The following KLF12 variants were observed in gnomAD, a reference collection of about 807,000 sequenced individuals.
KLF12 encodes KLF transcription factor 12, also known as Krueppel-like factor 12.
A neutral mutation model predicts 37.8 loss-of-function variants in KLF12; 9 were observed. The observed-to-expected ratio is 0.24, with a 90% CI of 0.14 to 0.42. The LOEUF (loss-of-function observed/expected upper bound fraction) is 0.42, where lower values mean the gene tolerates loss of function less well. Among genes scored for constraint, KLF12 ranks in the 10% least tolerant of loss-of-function variants. The probability of loss-of-function intolerance (pLI) is 1.00; values close to 1 mark genes in which losing one functional copy is unlikely to be tolerated. For missense variants in KLF12, 411 were observed against 516.0 expected (o/e 0.80, Z 1.97); for synonymous variants, 208 against 202.1 (o/e 1.03, Z -0.25).
the KLF12 span, among the ~76,000 whole-genome samples, chr13:74,279,972 G>A: frequency 6.6e-6 from 1 of 152,180 alleles, no homozygotes; most frequent in Non-Finnish European, 1.5e-5. Context: ...GACCAGAAGT[G>A]TTGAATAACT....
At chr13:73,799,602 A>G (rs1882178486) in intron 5 of KLF12, among the ~76,000 whole-genome samples, 2 of 152,134 alleles carry the variant, frequency 1.3e-5, no homozygotes, top group Non-Finnish European at 2.9e-5. Flanking sequence ...CTCATAAAAC[A>G]TTTAGTGAAA....
chr13:73,849,217 A>T (rs1885185548), intron 3 of KLF12, among the ~76,000 whole-genome samples: 2 of 152,032 alleles, frequency 1.3e-5, no homozygotes, highest in South Asian at 4.2e-4. Flanking sequence ...ACTTTTAGGA[A>T]ATGGAAAATC....
In KLF12 at chr13:73,687,466, T is replaced by C. The variant is rs943584782; in HGVS notation, c.*8024A>G. On this transcript the variant is annotated 3_prime_UTR_variant, in exon 8 of 8. Coordinates refer to ENST00000377669, the MANE Select transcript of KLF12 (RefSeq NM_007249.5). ...GTTCAACAATATCCATCCAATGTAA[T>C]AAAGTTTGAGGAACAAAATATACAC... The C allele has an allele frequency of 6.6e-5, 10 of 152,214 alleles. No homozygotes were observed. Among genetic ancestry groups the C allele is most frequent in the African/African-American group, 2.2e-4 (9 of 41,460 alleles). The allele number at this position is 152,214 out of a possible 1,614,324, so 9.4% of individuals were successfully genotyped here. A position where few individuals can be genotyped will look rare whatever the true frequency, so the allele number is the denominator to read the frequency against.
At chr13:73,944,103 T>C (rs778621517) in intron 2 of KLF12, 33 bp from the exon 3 acceptor site, 1 of 1,360,050 alleles carries the variant, frequency 7.4e-7, no homozygotes, top group Non-Finnish European at 1.0e-6. Flanking sequence ...AAGATTCAGC[T>C]CTAAAGCATT....
At chr13:74,058,631 C>T (rs990622486) in intron 1 of KLF12, among the ~76,000 whole-genome samples, 2 of 152,138 alleles carry the variant, frequency 1.3e-5, no homozygotes, top group East Asian at 3.9e-4. Flanking sequence ...GCTGGGATTA[C>T]AGGCTCATAA....
At chr13:74,037,874 A>G (rs1258211722) in intron 1 of KLF12, among the ~76,000 whole-genome samples, 1 of 152,204 alleles carries the variant, frequency 6.6e-6, no homozygotes, top group Non-Finnish European at 1.5e-5. Flanking sequence ...TTCATGCCAT[A>G]GTTAATGCAG....
chr13:73,951,569 G>A (rs1037543852), intron 2 of KLF12, among the ~76,000 whole-genome samples: 2 of 152,158 alleles, frequency 1.3e-5, no homozygotes, highest in African/African-American at 4.8e-5. Context: ...GTGGGTTTCA[G>A]GCTCCTGATA....
At chr13:74,004,102 C>A (rs1275339072) in intron 1 of KLF12, among the ~76,000 whole-genome samples, 2 of 151,856 alleles carry the variant, frequency 1.3e-5, no homozygotes, top group Non-Finnish European at 2.9e-5. Context: ...CAAAAAACAC[C>A]AGGTTTTTTA....
chr13:73,850,779 T>C (rs1474303530), intron 3 of KLF12, among the ~76,000 whole-genome samples: 3 of 152,232 alleles, frequency 2.0e-5, no homozygotes, highest in Non-Finnish European at 4.4e-5. Flanking sequence ...CATCGGTCAT[T>C]TAAATAAATT....
chr13:73,879,674 A>T (rs1250746074), intron 3 of KLF12, among the ~76,000 whole-genome samples: 1 of 152,208 alleles, frequency 6.6e-6, no homozygotes, highest in Non-Finnish European at 1.5e-5. Context: ...TGACTTAATT[A>T]CTCAAAGCAG....
At chr13:74,174,335 C>CTTTTTT in the KLF12 span, among the ~76,000 whole-genome samples, 2 of 133,160 alleles carry the variant, frequency 1.5e-5, no homozygotes, top group African/African-American at 5.6e-5. Flanking sequence ...TCTTTCTTTT[C>CTTTTTT]TTTTTTTTTT....
At chr13:74,118,477 T>C (rs775857227) in intron 1 of KLF12, among the ~76,000 whole-genome samples, 3 of 152,214 alleles carry the variant, frequency 2.0e-5, no homozygotes, top group Non-Finnish European at 4.4e-5. Context: ...ATTAGTTATG[T>C]TGTAAAGGAA....
chr13:73,797,465 G>A (rs1882041666), intron 5 of KLF12, among the ~76,000 whole-genome samples: 1 of 152,108 alleles, frequency 6.6e-6, no homozygotes, highest in Non-Finnish European at 1.5e-5. Flanking sequence ...ATGCAGTAAA[G>A]AGCAATCTTA....
chr13:73,869,455 A>G (rs1424692309), intron 3 of KLF12, among the ~76,000 whole-genome samples: 11 of 152,136 alleles, frequency 7.2e-5, no homozygotes, highest in Admixed American at 5.2e-4. Context: ...GAACTATTGC[A>G]TTTAATAATA....
intron 3 of KLF12, among the ~76,000 whole-genome samples, chr13:73,868,948 A>G (rs192334228): frequency 4.6e-5 from 7 of 152,314 alleles, no homozygotes; most frequent in African/African-American, 9.6e-5. Flanking sequence ...TTTTAAAGTC[A>G]TATTTTTTAA....
At chr13:73,932,634 T>G (rs1028500790) in intron 3 of KLF12, among the ~76,000 whole-genome samples, 22 of 152,126 alleles carry the variant, frequency 1.4e-4, no homozygotes, top group Non-Finnish European at 1.8e-4. Context: ...GAAATAGAAT[T>G]TTGCCCATGT....
rs60242793 is a variant in KLF12, at chr13:74,060,484, TTGTGTGTGTGTGTGTGTG to T, written c.-31-65449_-31-65432del. 1.2e-4 allele frequency among the ~76,000 whole-genome samples: 13 copies of T among 108,628 alleles called. 1 individual carries two copies. Among genetic ancestry groups the T allele is most frequent in the East Asian group, 2.4e-4 (1 of 4,166 alleles). 71.3% of individuals were successfully genotyped at this position (108,628 alleles called of 152,430 possible). The stretch of plus-strand genomic sequence containing the variant: ...CCGTGGTTAAATGTATACCTAGGTT[TTGTGTGTGTGTGTGTGTG>T]TGTGTGTGTGTGTGTGTGTGTGTGT... On this transcript the variant is annotated intron_variant, in intron 1 of 7. Coordinates refer to ENST00000377669, the MANE Select transcript of KLF12 (RefSeq NM_007249.5).
rs1261925562 is a variant in KLF12 at position 73,821,604 on chromosome 13, T to C, written c.671-8317A>G. ...AAGTCCTATTGTACAAATTGTCCCA[T>C]GGAGCATTTCTCTGGTAACTGAATG... On this transcript the variant is annotated intron_variant, in intron 4 of 7. Transcript: ENST00000377669. 7.9e-5 allele frequency among the ~76,000 whole-genome samples: 12 copies of C among 152,334 alleles called. No individual in the cohort carries two copies. In the South Asian group the frequency reaches 2.5e-3, roughly 32 times the overall value.
chr13:74,073,833 G>A (rs1874414325), intron 1 of KLF12, among the ~76,000 whole-genome samples: 1 of 152,036 alleles, frequency 6.6e-6, no homozygotes, highest in South Asian at 2.1e-4. Context: ...AAGAGCACGG[G>A]GCATGCTATG....
Sources: allele counts gnomAD v4.1 joint callset (sites outside exome capture counted in the v4.1 genomes callset), GRCh38; gene constraint gnomAD v4.1.1; transcripts MANE v1.5; gene names NCBI Gene and HGNC (gene_info 2026-07-23, HGNC 2026-07-21).